VDAC1: variants seen among roughly 807,000 people sequenced by gnomAD.
VDAC1 encodes non-selective voltage-gated ion channel VDAC1.
VDAC1 carries 10 observed loss-of-function variants against 34.7 expected under a neutral mutation model. The ratio of observed to expected loss-of-function variants is 0.29; its 90% CI spans 0.18 to 0.49. VDAC1 has a LOEUF of 0.49. Ranked by LOEUF, VDAC1 falls within the 20% of genes least tolerant of loss-of-function variation. The pLI is 0.99. For synonymous variants in VDAC1, 130 were observed against 136.0 expected (o/e 0.96, Z 0.30); for missense variants, 230 against 347.9 (o/e 0.66, Z 2.69).
chr5:133,983,736 C>T (rs369730113), intron 5 of VDAC1, among the ~76,000 whole-genome samples: 28 of 152,252 alleles, frequency 1.8e-4, no homozygotes, highest in African/African-American at 6.7e-4. Flanking sequence ...TTCTGAATCT[C>T]ATGTTGAAAT....
chr5:134,019,721 C>A, the VDAC1 span, among the ~76,000 whole-genome samples: 2 of 152,220 alleles, frequency 1.3e-5, no homozygotes, highest in Non-Finnish European at 2.9e-5. Flanking sequence ...GCTGCCCCAA[C>A]CCCCATCACA....
the VDAC1 span, among the ~76,000 whole-genome samples, chr5:134,112,249 G>A: frequency 6.6e-6 from 1 of 152,106 alleles, no homozygotes; most frequent in Admixed American, 6.5e-5. Flanking sequence ...AGCTCTTTCT[G>A]TCCATTACCT....
the VDAC1 span, among the ~76,000 whole-genome samples, chr5:134,040,244 A>G: frequency 2.0e-5 from 3 of 152,218 alleles, no homozygotes; most frequent in South Asian, 4.1e-4. Context: ...CAGCCTGGCC[A>G]ACATGGCGAA....
At chr5:133,998,957 C>T (rs1436983247) in intron 1 of VDAC1, among the ~76,000 whole-genome samples, 1 of 152,144 alleles carries the variant, frequency 6.6e-6, no homozygotes, top group East Asian at 1.9e-4. Context: ...GCACTAAGCA[C>T]CTACCAGGCC....
chr5:134,057,793 C>T, the VDAC1 span, among the ~76,000 whole-genome samples: 5 of 152,110 alleles, frequency 3.3e-5, no homozygotes, highest in East Asian at 9.6e-4. Context: ...TTGCAGTACC[C>T]ATTTCCCTAC....
chr5:134,063,564 T>G, the VDAC1 span, among the ~76,000 whole-genome samples: 1 of 152,202 alleles, frequency 6.6e-6, no homozygotes, highest in Admixed American at 6.5e-5. Context: ...TTTTGCTGCT[T>G]GCTGGGAATC....
At chr5:134,048,771 AT>A in the VDAC1 span, among the ~76,000 whole-genome samples, 17 of 148,742 alleles carry the variant, frequency 1.1e-4, no homozygotes, top group African/African-American at 2.2e-4. Flanking sequence ...CCCGCCGGGC[AT>A]TTTTTTTTTA....
At chr5:134,096,941 T>C in the VDAC1 span, among the ~76,000 whole-genome samples, 112,151 of 152,290 alleles carry the variant, frequency 0.74, 43,388 homozygotes, top group Non-Finnish European at 0.87. Flanking sequence ...AAGGCCTAGC[T>C]AAGGGGCTTG....
the VDAC1 span, among the ~76,000 whole-genome samples, chr5:134,019,819 A>C: frequency 6.6e-6 from 1 of 152,178 alleles, no homozygotes; most frequent in Non-Finnish European, 1.5e-5. Context: ...CTGAGACCAC[A>C]CTGCCTATGT....
the VDAC1 span, among the ~76,000 whole-genome samples, chr5:134,050,077 C>T: frequency 3.3e-5 from 5 of 152,016 alleles, no homozygotes; most frequent in East Asian, 2.0e-4. Flanking sequence ...GGTGAAACTC[C>T]GTTTCTACTA....
At chr5:134,082,339 G>A in the VDAC1 span, among the ~76,000 whole-genome samples, 1 of 152,054 alleles carries the variant, frequency 6.6e-6, no homozygotes, top group Non-Finnish European at 1.5e-5. Flanking sequence ...TCTTTTGCCT[G>A]GATTTTTTCA....
At chr5:134,073,547 A>T in the VDAC1 span, among the ~76,000 whole-genome samples, 1 of 152,302 alleles carries the variant, frequency 6.6e-6, no homozygotes, top group South Asian at 2.1e-4. Flanking sequence ...CGCCAAACAA[A>T]ACAGCCATCC....
the VDAC1 span, among the ~76,000 whole-genome samples, chr5:134,025,419 C>T: frequency 5.9e-5 from 9 of 152,082 alleles, no homozygotes; most frequent in Admixed American, 1.3e-4. Flanking sequence ...CACTGGGACT[C>T]GCACGTCAAC....
the VDAC1 span, among the ~76,000 whole-genome samples, chr5:134,109,576 C>A: frequency 6.6e-6 from 1 of 152,134 alleles, no homozygotes; most frequent in African/African-American, 2.4e-5. Context: ...TCGAGACCAG[C>A]ATGGCCAACA....
the VDAC1 span, among the ~76,000 whole-genome samples, chr5:134,019,477 G>A: frequency 6.6e-6 from 1 of 152,164 alleles, no homozygotes; most frequent in Admixed American, 6.5e-5. Context: ...CTACTGAGGA[G>A]GCTGAAGTAG....
intron 2 of VDAC1, 44 bp downstream of exon 2, chr5:133,992,902 C>T (rs1753159982): frequency 1.3e-6 from 2 of 1,587,092 alleles, no homozygotes; most frequent in African/African-American, 2.7e-5. Context: ...AACATGCCAA[C>T]TCAGTCTGTG....
the VDAC1 span, among the ~76,000 whole-genome samples, chr5:134,073,378 T>C: frequency 6.6e-6 from 1 of 152,202 alleles, no homozygotes; most frequent in East Asian, 1.9e-4. Flanking sequence ...CCAGTCCTCC[T>C]GAATCAGAAA....
At chr5:133,994,257 G>C (rs1561594800) in intron 1 of VDAC1, among the ~76,000 whole-genome samples, 1 of 152,094 alleles carries the variant, frequency 6.6e-6, no homozygotes, top group African/African-American at 2.4e-5. Flanking sequence ...TGTTGTAAAA[G>C]AAACAGTATA....
At chr5:134,076,110 T>C in the VDAC1 span, among the ~76,000 whole-genome samples, 43 of 152,238 alleles carry the variant, frequency 2.8e-4, no homozygotes, top group East Asian at 6.2e-3. Context: ...CTCCCAAGTA[T>C]CTGGGATTAT....
Sources: allele counts gnomAD v4.1 joint callset (sites outside exome capture counted in the v4.1 genomes callset), GRCh38; gene constraint gnomAD v4.1.1; transcripts MANE v1.5; gene names NCBI Gene and HGNC (gene_info 2026-07-23, HGNC 2026-07-21).